PHACTR1: variants seen among roughly 807,000 people sequenced by gnomAD.
PHACTR1 encodes the protein RPEL repeat containing 1.
In PHACTR1, 16 loss-of-function variants were observed where a neutral mutation model predicts 69.2. The observed-to-expected ratio is 0.23, with a 90% CI of 0.16 to 0.35. The LOEUF is 0.35. Ranked by LOEUF, PHACTR1 falls within the 10% of genes least tolerant of loss-of-function variation. PHACTR1 has a pLI of 1.00. For synonymous variants in PHACTR1, 312 were observed against 284.5 expected (o/e 1.10, Z -0.97); for missense variants, 510 against 734.7 (o/e 0.69, Z 3.54).
chr6:13,053,341 C>T, intron 4 of PHACTR1, 24 bp from the exon 5 acceptor site: 1 of 1,577,480 alleles, frequency 6.3e-7, no homozygotes, highest in South Asian at 1.2e-5. Flanking sequence ...TCTTTGTTTT[C>T]ATCTCTTTCT....
At position 13,275,069 on chromosome 6, in the gene PHACTR1, T is replaced by C. The variant is rs755452578; in HGVS notation, c.1447+2154T>C. On this transcript the variant is annotated intron_variant, in intron 11 of 14. Coordinates refer to ENST00000332995, the MANE Select transcript of PHACTR1 (RefSeq NM_030948.6). This position sits in a 1 kb window ranked among gnomAD's most constrained non-coding sequence, Gnocchi z 4.0. ...TATAAGAAAACATCCTCCAATAGTT[T>C]GTTTTAAAACTGATTTTCTGAGCTT... The C allele has an allele frequency of 1.1e-4, 17 of 152,240 alleles. No individual in the cohort carries two copies. Among genetic ancestry groups the C allele is most frequent in the Non-Finnish European group, 1.3e-4 (9 of 68,044 alleles). 9.4% of individuals were successfully genotyped at this position (152,240 alleles called of 1,614,324 possible). A position where few individuals can be genotyped will look rare whatever the true frequency, so the allele number is the denominator to read the frequency against.
chr6:13,081,828 A>G (rs1051143765), intron 5 of PHACTR1, among the ~76,000 whole-genome samples: 2 of 152,180 alleles, frequency 1.3e-5, no homozygotes, highest in East Asian at 3.9e-4. Flanking sequence ...CCCTGTCTCT[A>G]AAACAATAAA....
intron 10 of PHACTR1, among the ~76,000 whole-genome samples, chr6:13,249,853 C>T (rs578210484): frequency 6.7e-6 from 1 of 148,594 alleles, no homozygotes; most frequent in African/African-American, 2.5e-5. Flanking sequence ...TTTCATTTTT[C>T]ATTGGGAAAC....
intron 3 of PHACTR1, among the ~76,000 whole-genome samples, chr6:12,739,246 G>T (rs1021194906): frequency 1.3e-5 from 2 of 151,806 alleles, no homozygotes; most frequent in Non-Finnish European, 2.9e-5. Context: ...TTTTTAATGC[G>T]GCACAAAATG....
At chr6:13,260,067 T>G (rs1271255191) in intron 10 of PHACTR1, among the ~76,000 whole-genome samples, 1 of 152,150 alleles carries the variant, frequency 6.6e-6, no homozygotes, top group Non-Finnish European at 1.5e-5. Context: ...GGGCGAGAGA[T>G]TATTAATTTG....
At chr6:12,928,670 A>G (rs1004159820) in intron 4 of PHACTR1, among the ~76,000 whole-genome samples, 3 of 121,558 alleles carry the variant, frequency 2.5e-5, no homozygotes, top group East Asian at 2.7e-4. Flanking sequence ...AAGTTGTCCT[A>G]TGTGGCAGGC....
intron 5 of PHACTR1, among the ~76,000 whole-genome samples, chr6:13,115,038 T>C (rs1817609225): frequency 6.6e-6 from 1 of 152,178 alleles, no homozygotes; most frequent in Non-Finnish European, 1.5e-5. Context: ...TGCATAAAGC[T>C]GGAATTCAAA....
At chr6:12,982,529 A>C (rs1006058012) in intron 4 of PHACTR1, among the ~76,000 whole-genome samples, 5 of 152,118 alleles carry the variant, frequency 3.3e-5, no homozygotes, top group African/African-American at 7.2e-5. Context: ...AAATACAAAA[A>C]TTAGCCAGGT....
intron 4 of PHACTR1, among the ~76,000 whole-genome samples, chr6:12,915,879 C>G (rs1786933677): frequency 6.6e-6 from 1 of 152,210 alleles, no homozygotes; most frequent in Admixed American, 6.5e-5. Flanking sequence ...TGTCCTGCCA[C>G]CAGTACATTC....
chr6:13,133,362 T>C (rs541700233), intron 5 of PHACTR1, among the ~76,000 whole-genome samples: 12 of 151,388 alleles, frequency 7.9e-5, no homozygotes, highest in African/African-American at 2.7e-4. Flanking sequence ...CGGACTGTAA[T>C]GCCGCCATCT....
chr6:13,172,311 T>G (rs1016622199), intron 6 of PHACTR1, among the ~76,000 whole-genome samples: 1 of 151,928 alleles, frequency 6.6e-6, no homozygotes, highest in Admixed American at 6.6e-5. Flanking sequence ...GGAGCCAGAG[T>G]CATTGTTTGG....
intron 10 of PHACTR1, among the ~76,000 whole-genome samples, chr6:13,268,754 A>G (rs1270301065): frequency 6.6e-6 from 1 of 152,078 alleles, no homozygotes; most frequent in Non-Finnish European, 1.5e-5. Flanking sequence ...TTCCTCCCAA[A>G]TCTCATTTTC....
chr6:12,917,823 CT>C (rs1308570639), intron 4 of PHACTR1, among the ~76,000 whole-genome samples: 1 of 152,060 alleles, frequency 6.6e-6, no homozygotes, highest in African/African-American at 2.4e-5. Flanking sequence ...AATATCGCCC[CT>C]CATGTCAATA....
chr6:12,929,132 C>T (rs1171400679), intron 4 of PHACTR1, among the ~76,000 whole-genome samples: 1 of 152,188 alleles, frequency 6.6e-6, no homozygotes, highest in African/African-American at 2.4e-5. Context: ...ACAGCCAATG[C>T]ATGATCAACT....
intron 7 of PHACTR1, among the ~76,000 whole-genome samples, chr6:13,199,987 G>C (rs192858551): frequency 4.1e-4 from 63 of 152,288 alleles, no homozygotes; most frequent in Admixed American, 1.3e-3. Context: ...AATTGGTTTA[G>C]GGAAAATTGC....
chr6:12,859,986 C>CA (rs1780779267), intron 4 of PHACTR1, among the ~76,000 whole-genome samples: 6 of 108,216 alleles, frequency 5.5e-5, no homozygotes, highest in Non-Finnish European at 1.2e-4. Flanking sequence ...AGAAGGACAT[C>CA]TTCATCATCA....
intron 3 of PHACTR1, among the ~76,000 whole-genome samples, chr6:12,742,872 A>G (rs949113532): frequency 2.0e-5 from 3 of 152,204 alleles, no homozygotes; most frequent in Non-Finnish European, 2.9e-5. Context: ...TGGAAGAATA[A>G]TAAGTGTTCA....
intron 4 of PHACTR1, among the ~76,000 whole-genome samples, chr6:12,755,238 A>T (rs184160218): frequency 6.6e-6 from 1 of 152,322 alleles, no homozygotes; most frequent in Admixed American, 6.5e-5. Flanking sequence ...AATCCCACAG[A>T]GGCGTGTTTT....
intron 4 of PHACTR1, among the ~76,000 whole-genome samples, chr6:12,806,967 C>G (rs1425638404): frequency 6.6e-6 from 1 of 152,170 alleles, no homozygotes; most frequent in Non-Finnish European, 1.5e-5. Flanking sequence ...ATTACCATTT[C>G]ATGCGTAACT....
Sources: gnomAD v4.1 joint callset for allele counts (sites outside exome capture counted in the v4.1 genomes callset) on GRCh38, gnomAD v4.1.1 for gene constraint, Gnocchi (gnomAD v3.1) non-coding constraint, MANE v1.5 for transcripts, NCBI Gene and HGNC (gene_info 2026-07-23, HGNC 2026-07-21) for gene names.